Variants in VAMP7 observed in about 807,000 individuals in gnomAD.
VAMP7 encodes the protein vesicle-associated membrane protein 7.
In VAMP7, 14 loss-of-function variants were observed where a neutral mutation model predicts 29.6. That is an observed-to-expected ratio of 0.47 (90% CI 0.31 to 0.74). VAMP7 has a LOEUF of 0.74. VAMP7 is among the 30% of genes least tolerant of loss of function. The pLI, the probability that VAMP7 is intolerant of heterozygous loss-of-function variation, is 0.05. For synonymous variants in VAMP7, 95 were observed against 88.1 expected (o/e 1.08, Z -0.44); for missense variants, 223 against 262.4 (o/e 0.85, Z 1.04).
chrX:155,941,229 A>G (rs139385723), intron 7 of VAMP7, among the ~76,000 whole-genome samples: 1 of 152,104 alleles, frequency 6.6e-6, no homozygotes, highest in African/African-American at 2.4e-5. Context: ...TTGTGATATA[A>G]TAATGTGAAC....
intron 5 of VAMP7, among the ~76,000 whole-genome samples, chrX:155,901,097 C>G (rs1373296845): frequency 1.3e-5 from 2 of 152,134 alleles, no homozygotes; most frequent in East Asian, 3.9e-4. Flanking sequence ...GTTGCAAATA[C>G]TCTTAAGTAG....
chrX:155,915,617 A>G (rs2066300796), intron 5 of VAMP7, among the ~76,000 whole-genome samples: 1 of 152,046 alleles, frequency 6.6e-6, no homozygotes, highest in Admixed American at 6.5e-5. Flanking sequence ...TAATTTTGTT[A>G]TTTACCCAGT....
At chrX:155,882,865 C>A in intron 1 of VAMP7, among the ~76,000 whole-genome samples, 1 of 152,252 alleles carries the variant, frequency 6.6e-6, no homozygotes, top group Middle Eastern at 3.4e-3. Context: ...AAAATAGACA[C>A]TTTGACCTCT....
intron 4 of VAMP7, 32 bp downstream of exon 4, chrX:155,898,281 T>G: frequency 6.2e-7 from 1 of 1,607,872 alleles, no homozygotes; most frequent in South Asian, 1.1e-5. Context: ...GGTATTTTGA[T>G]TTATATCTTC....
At chrX:155,905,367 G>A (rs754196244) in intron 5 of VAMP7, among the ~76,000 whole-genome samples, 15 of 152,120 alleles carry the variant, frequency 9.9e-5, no homozygotes, top group African/African-American at 3.6e-4. Context: ...TCTATTCTGT[G>A]AGTTGTCTTT....
chrX:155,929,494 A>G (rs1171169882), intron 6 of VAMP7, among the ~76,000 whole-genome samples: 1 of 152,004 alleles, frequency 6.6e-6, no homozygotes, highest in Non-Finnish European at 1.5e-5. Context: ...CCCCATACTC[A>G]TGTCTTCTGG....
chrX:155,927,383 G>T (rs1183919796), intron 6 of VAMP7, among the ~76,000 whole-genome samples: 3 of 109,560 alleles, frequency 2.7e-5, no homozygotes, highest in Non-Finnish European at 3.7e-5. Context: ...ATAATAAAAA[G>T]AAACAAAAAG....
chrX:155,896,602 A>G (rs1289216033), intron 3 of VAMP7, among the ~76,000 whole-genome samples: 1 of 152,062 alleles, frequency 6.6e-6, no homozygotes, highest in African/African-American at 2.4e-5. Flanking sequence ...GTAGAGCTAC[A>G]TACTTATTTA....
intron 5 of VAMP7, among the ~76,000 whole-genome samples, chrX:155,918,043 G>A (rs1190317992): frequency 6.6e-6 from 1 of 152,092 alleles, no homozygotes; most frequent in African/African-American, 2.4e-5. Flanking sequence ...CTGGCTACAG[G>A]GACTTTGCGG....
chrX:155,925,652 G>T (rs1475760137), intron 6 of VAMP7, among the ~76,000 whole-genome samples: 3 of 152,218 alleles, frequency 2.0e-5, no homozygotes, highest in Non-Finnish European at 4.4e-5. Flanking sequence ...AGGCGGGAAG[G>T]CTCGAAGTGG....
chrX:155,883,306 C>A (rs2065825981), intron 1 of VAMP7, among the ~76,000 whole-genome samples: 1 of 152,154 alleles, frequency 6.6e-6, no homozygotes, highest in African/African-American at 2.4e-5. Flanking sequence ...ATCAGGCTAG[C>A]TTATGTACCT....
At chrX:155,883,549 T>G (rs746731105) in intron 1 of VAMP7, among the ~76,000 whole-genome samples, 2 of 152,250 alleles carry the variant, frequency 1.3e-5, no homozygotes, top group East Asian at 3.9e-4. Flanking sequence ...CCTACTGCAA[T>G]AATATAATGA....
chrX:155,939,689 C>T lies in VAMP7; in HGVS notation c.502-12C>T, dbSNP rs370183372. 5 of 1,608,936 alleles carry T rather than the reference C, an allele frequency of 3.1e-6. No individual in the cohort carries two copies. In the African/African-American group the frequency reaches 6.7e-5, roughly 21 times the overall value. ...AGTGCCAGGGGTTAAACAATTCTCG[C>T]CTCTTTTCTAGTCTGTCACCTTCAA... is the stretch of plus-strand genomic sequence containing the variant. On this transcript the variant is annotated splice_polypyrimidine_tract_variant and intron_variant, in intron 6 of 7. Transcript: ENST00000286448.
intron 5 of VAMP7, among the ~76,000 whole-genome samples, chrX:155,904,423 AT>A (rs1305284130): frequency 6.6e-6 from 1 of 152,068 alleles, no homozygotes; most frequent in African/African-American, 2.4e-5. Context: ...ATTCCCTTTC[AT>A]TTTTTTAACA....
chrX:155,938,850 T>C (rs1270228825), intron 6 of VAMP7, among the ~76,000 whole-genome samples: 1 of 152,168 alleles, frequency 6.6e-6, no homozygotes, highest in African/African-American at 2.4e-5. Context: ...GTATTCTGTT[T>C]ATGTCAAGTT....
In VAMP7 at chrX:155,942,222, A is replaced by G. The variant is rs2066756324; in HGVS notation, c.*271A>G. 2.7e-6 allele frequency: 4 copies of G among 1,477,758 alleles called. No homozygotes were observed. The highest frequency in any genetic ancestry group is 2.7e-6 in the Non-Finnish European group (3 of 1,110,810). 91.5% of individuals were successfully genotyped at this position (1,477,758 alleles called of 1,614,324 possible). On this transcript the variant is annotated 3_prime_UTR_variant, in exon 8 of 8. Transcript: ENST00000286448. The stretch of plus-strand genomic sequence containing the variant: ...TTTGGTTTGTTAACTAGTGTCATCT[A>G]TTTAGAGAAACATTTTTGTTTTTAA...
intron 1 of VAMP7, among the ~76,000 whole-genome samples, chrX:155,883,094 G>A (rs1185071265): frequency 2.0e-5 from 3 of 152,142 alleles, no homozygotes; most frequent in Non-Finnish European, 2.9e-5. Flanking sequence ...AAGTATAGGA[G>A]TCCCTTCTTC....
At chrX:155,922,855 G>A (rs1170401304) in intron 6 of VAMP7, among the ~76,000 whole-genome samples, 5 of 151,992 alleles carry the variant, frequency 3.3e-5, no homozygotes, top group Non-Finnish European at 5.9e-5. Context: ...CCATCTTGCT[G>A]TTTGTTTCCT....
intron 5 of VAMP7, among the ~76,000 whole-genome samples, chrX:155,902,343 A>G (rs2066075695): frequency 6.6e-6 from 1 of 151,360 alleles, no homozygotes; most frequent in African/African-American, 2.4e-5. Context: ...CTCTTTTCCT[A>G]ATTGAATACC....
Sources: allele counts gnomAD v4.1 joint callset (sites outside exome capture counted in the v4.1 genomes callset), GRCh38; gene constraint gnomAD v4.1.1; transcripts MANE v1.5; gene names NCBI Gene and HGNC (gene_info 2026-07-23, HGNC 2026-07-21).